The following CLVS1 variants were observed in gnomAD, a reference collection of about 807,000 sequenced individuals.
The protein encoded by CLVS1 is clavesin-1.
In CLVS1, 10 loss-of-function variants were observed where a neutral mutation model predicts 33.1. The observed-to-expected ratio is 0.30, with a 90% CI of 0.19 to 0.51. CLVS1 has a LOEUF of 0.51. CLVS1 is among the 20% of genes least tolerant of loss of function. The pLI is 0.97. For missense variants in CLVS1, 343 were observed against 433.4 expected, an observed-to-expected ratio of 0.79 and a Z score of 1.85; for synonymous variants, 163 against 166.1, an observed-to-expected ratio of 0.98 and a Z score of 0.14.
At chr8:61,304,038 G>A (rs1365561908) in intron 2 of CLVS1, among the ~76,000 whole-genome samples, 1 of 152,210 alleles carries the variant, frequency 6.6e-6, no homozygotes, top group African/African-American at 2.4e-5. Context: ...CTCCCCATAT[G>A]TGTTTCCTTT....
At chr8:61,413,653 C>T (rs35976952) in intron 3 of CLVS1, among the ~76,000 whole-genome samples, 1 of 152,174 alleles carries the variant, frequency 6.6e-6, no homozygotes, top group African/African-American at 2.4e-5. Context: ...ATCTGGCAAC[C>T]TTCATGTAAC....
At chr8:61,202,852 G>A (rs1267242850) in intron 2 of CLVS1, 1 of 986,178 alleles carries the variant, frequency 1.0e-6, no homozygotes, top group Non-Finnish European at 1.6e-6. Flanking sequence ...TGATGATGAT[G>A]AAGAAGATGA....
chr8:60,979,291 G>A, the CLVS1 span, among the ~76,000 whole-genome samples: 1 of 152,282 alleles, frequency 6.6e-6, no homozygotes, highest in South Asian at 2.1e-4. Flanking sequence ...AGCTCCCCTC[G>A]ATGGGGCCTG....
the CLVS1 span, among the ~76,000 whole-genome samples, chr8:60,983,469 C>T: frequency 6.6e-6 from 1 of 152,154 alleles, no homozygotes; most frequent in South Asian, 2.1e-4. Context: ...GCAAGGGAAC[C>T]AAGGAGCCAG....
At chr8:61,446,279 G>T (rs79187012) in intron 3 of CLVS1, among the ~76,000 whole-genome samples, 2,288 of 152,216 alleles carry the variant, frequency 0.015, 64 homozygotes, top group African/African-American at 0.052. Context: ...GTTTAATAAA[G>T]AAATATGTAT....
intron 3 of CLVS1, among the ~76,000 whole-genome samples, chr8:61,395,689 T>C (rs1814499176): frequency 6.6e-6 from 1 of 152,170 alleles, no homozygotes; most frequent in African/African-American, 2.4e-5. Flanking sequence ...TCTAAGAGTC[T>C]GCATTTTTAT....
intron 3 of CLVS1, among the ~76,000 whole-genome samples, chr8:61,387,009 C>T (rs79570940): frequency 9.2e-5 from 14 of 152,224 alleles, no homozygotes; most frequent in Non-Finnish European, 1.9e-4. Context: ...TTGTTGTGTT[C>T]CACCATGGGA....
intron 2 of CLVS1, among the ~76,000 whole-genome samples, chr8:61,314,390 G>T (rs1171606933): frequency 2.6e-5 from 4 of 152,146 alleles, no homozygotes; most frequent in African/African-American, 9.7e-5. Context: ...CTTTGTAAGA[G>T]AAGAGTGCAT....
chr8:61,287,798 T>C (rs1339830770), upstream of CLVS1, among the ~76,000 whole-genome samples: 2 of 152,196 alleles, frequency 1.3e-5, no homozygotes, highest in African/African-American at 2.4e-5. Context: ...ATTCTATTTT[T>C]AATGTTGTGT....
At chr8:60,971,888 A>G in the CLVS1 span, among the ~76,000 whole-genome samples, 1 of 151,416 alleles carries the variant, frequency 6.6e-6, no homozygotes, top group Non-Finnish European at 1.5e-5. Context: ...CCAGGCTGCT[A>G]CTGGCTGCCT....
the CLVS1 span, among the ~76,000 whole-genome samples, chr8:60,999,286 G>A: frequency 4.6e-5 from 7 of 152,314 alleles, no homozygotes; most frequent in South Asian, 2.1e-4. Flanking sequence ...AAGAGGAAGC[G>A]ACCTGGGTAA....
chr8:61,272,037 T>A (rs1809451333), intron 2 of CLVS1, among the ~76,000 whole-genome samples: 1 of 151,590 alleles, frequency 6.6e-6, no homozygotes, highest in Non-Finnish European at 1.5e-5. Context: ...CCTGTCATTA[T>A]GATGTTAGCT....
At chr8:61,153,809 T>A (rs1806593695) in intron 2 of CLVS1, among the ~76,000 whole-genome samples, 1 of 152,100 alleles carries the variant, frequency 6.6e-6, no homozygotes, top group South Asian at 2.1e-4. Flanking sequence ...TCTCAGGTAG[T>A]CTCAGGGATA....
intron 3 of CLVS1, chr8:61,378,393 T>C (rs1813732917): frequency 6.6e-6 from 1 of 152,212 alleles, no homozygotes. Context: ...TCTTACTGAA[T>C]TAATCCATGC....
intron 2 of CLVS1, among the ~76,000 whole-genome samples, chr8:61,146,712 G>T (rs943400682): frequency 6.6e-6 from 1 of 152,224 alleles, no homozygotes; most frequent in Non-Finnish European, 1.5e-5. Context: ...AGGACAAATG[G>T]CGAGGAGCAT....
chr8:61,367,556 A>G (rs1315410671), intron 2 of CLVS1, among the ~76,000 whole-genome samples: 8 of 152,080 alleles, frequency 5.3e-5, no homozygotes, highest in African/African-American at 1.9e-4. Flanking sequence ...TTTCTCCTTC[A>G]TGTCATATTT....
rs148036210 is a variant in CLVS1 at position 61,278,405 on chromosome 8, G to T, written c.-151-21272G>T. 2.3e-3 allele frequency among the ~76,000 whole-genome samples: 349 copies of T among 152,308 alleles called. 1 individual carries two copies. Among genetic ancestry groups the T allele is most frequent in the African/African-American group, 8.0e-3 (333 of 41,564 alleles). ...TACCAGTCTTGGATTGCTAGAAAAT[G>T]TTTAGGCCCATCTTCCTCTACAATT... On this transcript the variant is annotated intron_variant, in intron 2 of 2. Coordinates refer to the CLVS1 transcript ENST00000522621.
At chr8:61,014,622 G>A in the CLVS1 span, among the ~76,000 whole-genome samples, 3 of 152,200 alleles carry the variant, frequency 2.0e-5, no homozygotes, top group Admixed American at 6.5e-5. Context: ...TGTTTTGACT[G>A]ATCAGAGAAA....
intron 2 of CLVS1, among the ~76,000 whole-genome samples, chr8:61,184,916 A>G (rs1367715175): frequency 6.6e-6 from 1 of 152,224 alleles, no homozygotes; most frequent in Non-Finnish European, 1.5e-5. Context: ...CATTCATAAC[A>G]TATAATTTTT....
Sources: allele counts gnomAD v4.1 joint callset (sites outside exome capture counted in the v4.1 genomes callset), GRCh38; gene constraint gnomAD v4.1.1; transcripts MANE v1.5; gene names NCBI Gene and HGNC (gene_info 2026-07-23, HGNC 2026-07-21).